DLGAP1: variants seen among roughly 807,000 people sequenced by gnomAD.
DLGAP1 encodes the protein DLG associated protein 1.
In DLGAP1, 11 loss-of-function variants were observed where a neutral mutation model predicts 90.8. The observed-to-expected ratio is 0.12, with a 90% CI of 0.08 to 0.20. The LOEUF is 0.20. DLGAP1 is among the 10% of genes least tolerant of loss of function. DLGAP1 has a pLI of 1.00. For missense variants in DLGAP1, 1,050 were observed against 1,333.8 expected, an observed-to-expected ratio of 0.79 and a Z score of 3.31; for synonymous variants, 558 against 540.7, an observed-to-expected ratio of 1.03 and a Z score of -0.44.
At position 3,755,464 on chromosome 18, in the gene DLGAP1, AAAC is replaced by A. The variant is rs1264295420; in HGVS notation, c.1173-12955_1173-12953del. On this transcript the variant is annotated intron_variant, in intron 5 of 12. Transcript: ENST00000315677. Reference sequence around the variant, plus strand: ...AAAAATATAGCATGCAAAAAACAAAAAACAACAAAAAAACAAAAAACAAAAACA... The same window carrying A: ...AAAAATATAGCATGCAAAAAACAAAAAACAAAAAAACAAAAAACAAAAACA... Among the ~76,000 whole-genome samples the A allele has an allele frequency of 2.0e-5, 3 of 150,846 alleles. No individual in the cohort carries two copies. In the East Asian group the frequency reaches 5.8e-4, roughly 29 times the overall value.
chr18:4,075,827 C>T (rs542780883), intron 2 of DLGAP1, among the ~76,000 whole-genome samples: 5 of 152,150 alleles, frequency 3.3e-5, no homozygotes, highest in Admixed American at 1.3e-4. Context: ...TATTTAAATA[C>T]GACATGAGTT....
chr18:3,960,155 A>G (rs1236992796), intron 3 of DLGAP1, among the ~76,000 whole-genome samples: 1 of 152,218 alleles, frequency 6.6e-6, no homozygotes, highest in Non-Finnish European at 1.5e-5. Flanking sequence ...TAACCACTTT[A>G]CGTTTCATTT....
At chr18:4,420,266 A>G (rs762737694) in intron 1 of DLGAP1, among the ~76,000 whole-genome samples, 3 of 152,210 alleles carry the variant, frequency 2.0e-5, no homozygotes, top group Non-Finnish European at 4.4e-5. Context: ...TAATTGACAG[A>G]ACAAGTACAT....
In DLGAP1 at chr18:4,377,651, T is replaced by C. The variant is rs78606662; in HGVS notation, c.-267+77355A>G. Among the ~76,000 whole-genome samples the C allele has an allele frequency of 8.6e-3, 1,313 of 152,256 alleles. 48 individuals carry two copies. In the East Asian group the frequency reaches 0.13, roughly 15 times the overall value. ...TTATGACATGTAAATTATTACTTTC[T>C]TATAAAATACATAATCCACACTATT... is the stretch of plus-strand genomic sequence containing the variant. On this transcript the variant is annotated intron_variant, in intron 1 of 12. Transcript: ENST00000315677.
chr18:4,401,883 C>T (rs980187620), intron 1 of DLGAP1, among the ~76,000 whole-genome samples: 3 of 152,116 alleles, frequency 2.0e-5, no homozygotes, highest in Admixed American at 1.3e-4. Context: ...ACAAAAATTC[C>T]GATGACAAAG....
At chr18:4,308,638 C>T (rs567696569) in intron 1 of DLGAP1, among the ~76,000 whole-genome samples, 92 of 152,216 alleles carry the variant, frequency 6.0e-4, no homozygotes, top group African/African-American at 2.1e-3. Context: ...CCCAAACTTA[C>T]CTGACAAAGA....
chr18:3,533,108 A>G (rs1451655258), intron 10 of DLGAP1, among the ~76,000 whole-genome samples: 1 of 152,174 alleles, frequency 6.6e-6, no homozygotes, highest in Non-Finnish European at 1.5e-5. Flanking sequence ...CCTGGGCAAC[A>G]TGGCGAAACC....
chr18:3,658,438 C>T lies in DLGAP1; in HGVS notation c.1591+70697G>A, dbSNP rs141519193. Among the ~76,000 whole-genome samples the T allele has an allele frequency of 3.2e-3, 492 of 152,284 alleles. 3 individuals are homozygous for T. Among genetic ancestry groups the T allele is most frequent in the African/African-American group, 0.011 (472 of 41,552 alleles). ...TGTCAGGCCCAGGGAAGACCTTGAA[C>T]TTCAGAATACTTCCTGAGATCTTCA... On this transcript the variant is annotated intron_variant, in intron 7 of 12. Coordinates refer to ENST00000315677, the MANE Select transcript of DLGAP1 (RefSeq NM_004746.4).
chr18:3,877,342 A>C (rs563054898), intron 4 of DLGAP1, among the ~76,000 whole-genome samples: 95 of 152,324 alleles, frequency 6.2e-4, no homozygotes, highest in African/African-American at 2.1e-3. Context: ...TATAACGAAA[A>C]CATTTCATTA....
chr18:3,911,817 C>T (rs981214231), intron 3 of DLGAP1, among the ~76,000 whole-genome samples: 2 of 152,222 alleles, frequency 1.3e-5, no homozygotes, highest in African/African-American at 4.8e-5. Context: ...ATTGATACAT[C>T]TACTTAGCTG....
chr18:3,777,477 G>A (rs2064989011), intron 5 of DLGAP1, among the ~76,000 whole-genome samples: 1 of 152,222 alleles, frequency 6.6e-6, no homozygotes, highest in South Asian at 2.1e-4. Flanking sequence ...TGTGGCTGGA[G>A]AGAAGGGAGC....
chr18:3,948,818 G>A (rs2072925410), intron 3 of DLGAP1, among the ~76,000 whole-genome samples: 1 of 152,114 alleles, frequency 6.6e-6, no homozygotes, highest in Non-Finnish European at 1.5e-5. Context: ...ATTGGGTTCA[G>A]TGTATACTGC....
intron 7 of DLGAP1, among the ~76,000 whole-genome samples, chr18:3,712,851 C>T (rs748997692): frequency 5.3e-5 from 8 of 152,180 alleles, no homozygotes; most frequent in East Asian, 3.8e-4. Context: ...AAGATAGAAG[C>T]GGAATCAATT....
At chr18:3,540,330 G>A (rs2052617524) in intron 9 of DLGAP1, among the ~76,000 whole-genome samples, 1 of 151,788 alleles carries the variant, frequency 6.6e-6, no homozygotes, top group South Asian at 2.1e-4. Context: ...AGCCTGACAT[G>A]GTGGTACGTG....
intron 9 of DLGAP1, among the ~76,000 whole-genome samples, chr18:3,561,085 C>T (rs1434572719): frequency 5.3e-5 from 8 of 150,192 alleles, no homozygotes; most frequent in Admixed American, 5.3e-4. Context: ...TTTGCAATTG[C>T]TATTTTGAAC....
At chr18:4,251,275 A>C (rs1467694556) in intron 1 of DLGAP1, among the ~76,000 whole-genome samples, 2 of 152,210 alleles carry the variant, frequency 1.3e-5, no homozygotes, top group Non-Finnish European at 2.9e-5. Context: ...AAAGTTTTCC[A>C]GACTTGAGAT....
At chr18:3,563,618 C>T (rs2054271193) in intron 9 of DLGAP1, among the ~76,000 whole-genome samples, 1 of 152,004 alleles carries the variant, frequency 6.6e-6, no homozygotes, top group East Asian at 1.9e-4. Context: ...TACAGGCATG[C>T]ACCACCATAC....
chr18:4,173,879 G>A (rs1022345087), intron 1 of DLGAP1, among the ~76,000 whole-genome samples: 2 of 152,074 alleles, frequency 1.3e-5, no homozygotes, highest in Non-Finnish European at 2.9e-5. Context: ...TATTGCACCC[G>A]GTTGGATCCA....
chr18:4,063,099 C>A (rs4398182), intron 2 of DLGAP1, among the ~76,000 whole-genome samples: 8,215 of 151,988 alleles, frequency 0.054, 448 homozygotes, highest in African/African-American at 0.13. Flanking sequence ...GGACTCAGAG[C>A]CTATACTTTA....
Sources: allele counts gnomAD v4.1 joint callset (sites outside exome capture counted in the v4.1 genomes callset), GRCh38; gene constraint gnomAD v4.1.1; transcripts MANE v1.5; gene names NCBI Gene and HGNC (gene_info 2026-07-23, HGNC 2026-07-21).